Variants in SPDYA observed in about 807,000 individuals in gnomAD.
SPDYA encodes speedy/RINGO cell cycle regulator family member A.
A neutral mutation model predicts 36.7 loss-of-function variants in SPDYA; 11 were observed. The observed-to-expected ratio is 0.30, with a 90% CI of 0.19 to 0.50. The LOEUF (loss-of-function observed/expected upper bound fraction) is 0.50, where lower values mean the gene tolerates loss of function less well. SPDYA is among the 20% of genes least tolerant of loss of function. The pLI, the probability that SPDYA is intolerant of heterozygous loss-of-function variation, is 0.98. For missense variants in SPDYA, 287 were observed against 370.9 expected (o/e 0.77, Z 1.86); for synonymous variants, 115 against 118.7 (o/e 0.97, Z 0.20).
chr2:28,834,146 A>G (rs1236477048), intron 6 of SPDYA, among the ~76,000 whole-genome samples: 1 of 151,734 alleles, frequency 6.6e-6, no homozygotes. Context: ...ATTAGCTGTC[A>G]GGGATTGCAA....
chr2:28,845,315 C>T (rs978732278), intron 7 of SPDYA, among the ~76,000 whole-genome samples: 3 of 145,938 alleles, frequency 2.1e-5, no homozygotes, highest in Admixed American at 7.0e-5. Context: ...GTGCTGGTCT[C>T]GGACTCCTGA....
At chr2:28,818,541 T>C (rs1209329834) in intron 3 of SPDYA, among the ~76,000 whole-genome samples, 1 of 152,118 alleles carries the variant, frequency 6.6e-6, no homozygotes, top group Non-Finnish European at 1.5e-5. Flanking sequence ...TTTGAGATTA[T>C]ATATTTTAGC....
chr2:28,844,716 C>T (rs1668828745), intron 7 of SPDYA, among the ~76,000 whole-genome samples: 1 of 152,040 alleles, frequency 6.6e-6, no homozygotes, highest in Non-Finnish European at 1.5e-5. Flanking sequence ...GGTGGATCAC[C>T]TGAGGTCAGG....
intron 7 of SPDYA, among the ~76,000 whole-genome samples, chr2:28,844,573 A>G (rs929253713): frequency 1.3e-5 from 2 of 152,182 alleles, no homozygotes; most frequent in African/African-American, 4.8e-5. Flanking sequence ...AAGCGTTCTG[A>G]GCACACTAAG....
intron 6 of SPDYA, among the ~76,000 whole-genome samples, chr2:28,833,359 A>G (rs1397941205): frequency 6.6e-6 from 1 of 152,100 alleles, no homozygotes; most frequent in Non-Finnish European, 1.5e-5. Context: ...CCTTACCTCA[A>G]AGATACCAGT....
chr2:28,841,569 A>C (rs952212319), intron 7 of SPDYA, among the ~76,000 whole-genome samples: 3 of 152,194 alleles, frequency 2.0e-5, no homozygotes, highest in African/African-American at 7.2e-5. Flanking sequence ...ATGAGAAATT[A>C]ACACACCTGC....
intron 6 of SPDYA, among the ~76,000 whole-genome samples, chr2:28,839,560 G>C (rs1558330781): frequency 6.6e-6 from 1 of 152,148 alleles, no homozygotes; most frequent in Non-Finnish European, 1.5e-5. Flanking sequence ...GGAGTGCAGT[G>C]ACGCGATCTC....
chr2:28,812,082 G>T (rs1446463282), intron 1 of SPDYA, among the ~76,000 whole-genome samples: 1 of 152,178 alleles, frequency 6.6e-6, no homozygotes, highest in East Asian at 1.9e-4. Context: ...TCAAATTCTA[G>T]CTTTATCACT....
intron 7 of SPDYA, among the ~76,000 whole-genome samples, chr2:28,843,127 T>A (rs1239237277): frequency 6.6e-6 from 1 of 152,248 alleles, no homozygotes. Context: ...CATGTTTTCC[T>A]ACCTTAAAAT....
chr2:28,841,273 T>C (rs1668745466), intron 7 of SPDYA, among the ~76,000 whole-genome samples: 1 of 151,746 alleles, frequency 6.6e-6, no homozygotes, highest in Non-Finnish European at 1.5e-5. Flanking sequence ...ATAAGTACCA[T>C]AATTTCTTTA....
intron 3 of SPDYA, among the ~76,000 whole-genome samples, chr2:28,818,027 C>T (rs1295726028): frequency 1.3e-5 from 2 of 149,390 alleles, no homozygotes; most frequent in Non-Finnish European, 3.0e-5. Context: ...TTTATCTGGG[C>T]ATGGTGGTGC....
chr2:28,819,842 AAAAAAAAATATATAT>A (rs1668095431), intron 4 of SPDYA, among the ~76,000 whole-genome samples: 1 of 47,396 alleles, frequency 2.1e-5, no homozygotes, highest in African/African-American at 1.0e-4. Flanking sequence ...AAAAAAAAAA[AAAAAAAAATATATAT>A]ATATATATAT....
chr2:28,848,777 T>G (rs1668953103), intron 7 of SPDYA, among the ~76,000 whole-genome samples: 1 of 152,024 alleles, frequency 6.6e-6, no homozygotes, highest in South Asian at 2.1e-4. Context: ...GCATGGTGGC[T>G]CCACACCTAT....
rs142885879 is a variant in SPDYA at position 28,840,381 on chromosome 2, G to C, written c.762G>C (p.Gly254=). 1 of 1,611,764 alleles carries C rather than the reference G, an allele frequency of 6.2e-7. No homozygotes were observed. The highest frequency in any genetic ancestry group is 1.1e-5 in the South Asian group (1 of 90,518). ...SSSSLSSHTA[G]VTEKHSQDSY... ...CATCTTTATCCAGTCATACAGCAGG[G>C]GTGACAGAAAAACATTCTCAGGACT... The change falls in exon 7 of 8, where the codon GGG becomes GGC. Residue 254 remains glycine, a synonymous_variant. Coordinates refer to ENST00000334056, the MANE Select transcript of SPDYA (RefSeq NM_182756.4).
In SPDYA at chr2:28,823,143, C is replaced by G. The variant is rs538622407; in HGVS notation, c.380+733C>G. ...AGTCTTTGTGGACCTATATCTATAA[C>G]ATAGTCATTATTCGTATTTGATACC... On this transcript the variant is annotated intron_variant, in intron 5 of 7. Transcript: ENST00000334056. Among the ~76,000 whole-genome samples the G allele has an allele frequency of 9.2e-5, 14 of 152,224 alleles. No homozygotes were observed. The South Asian group carries it at 2.9e-3, about 32-fold the overall frequency.
intron 6 of SPDYA, among the ~76,000 whole-genome samples, chr2:28,830,756 T>C (rs1016670888): frequency 3.3e-5 from 5 of 152,228 alleles, no homozygotes; most frequent in Non-Finnish European, 7.3e-5. Context: ...AAGAATATAT[T>C]GTTTCCTTAA....
intron 1 of SPDYA, among the ~76,000 whole-genome samples, chr2:28,812,878 A>AAAAT (rs1344296414): frequency 3.4e-4 from 52 of 151,028 alleles, no homozygotes; most frequent in African/African-American, 1.2e-3. Context: ...AAAAAAAAAA[A>AAAAT]ATTAAAGGAT....
rs1668996854 is a variant in SPDYA at position 28,849,901 on chromosome 2, AAGACAAATCTATGG to A, written c.905_918del (p.Asp302ValfsTer6). 6.3e-7 allele frequency: 1 copy of A among 1,594,858 alleles called. No individual in the cohort carries two copies. Among genetic ancestry groups the A allele is most frequent in the African/African-American group, 1.4e-5 (1 of 73,938 alleles). On this transcript the variant is annotated frameshift_variant, in exon 8 of 8. Transcript: ENST00000334056. LOFTEE classifies it high-confidence loss of function. ...GGAAAGAAAACTAATTTCTTGAAGA[AAGACAAATCTATGG>A]AGTGGTTTACAGGAAGTGAAGAATG... is the stretch of plus-strand genomic sequence containing the variant.
intron 5 of SPDYA, among the ~76,000 whole-genome samples, chr2:28,826,611 CTTTTT>C (rs777338299): frequency 9.3e-5 from 7 of 75,350 alleles, no homozygotes; most frequent in South Asian, 1.3e-3. Flanking sequence ...TTCTTTCTCT[CTTTTT>C]TTTTTTTTTT....
Sources: gnomAD v4.1 joint callset for allele counts (sites outside exome capture counted in the v4.1 genomes callset) on GRCh38, gnomAD v4.1.1 for gene constraint, MANE v1.5 for transcripts, NCBI Gene and HGNC (gene_info 2026-07-23, HGNC 2026-07-21) for gene names.